The following PDGFD variants were observed in gnomAD, a reference collection of about 807,000 sequenced individuals.
PDGFD encodes the protein platelet-derived growth factor D.
Under a neutral mutation model 44.7 loss-of-function variants are expected in PDGFD, and 30 were observed. The observed-to-expected ratio is 0.67, with a 90% CI of 0.50 to 0.91. The LOEUF (loss-of-function observed/expected upper bound fraction) is 0.91. PDGFD is among the 40% of genes least tolerant of loss of function. The pLI, the probability that PDGFD is intolerant of heterozygous loss-of-function variation, is 0.00. For synonymous variants in PDGFD, 173 were observed against 168.4 expected (o/e 1.03, Z -0.21); for missense variants, 445 against 457.8 (o/e 0.97, Z 0.25).
At chr11:104,025,413 A>C (rs1860027517) in intron 1 of PDGFD, among the ~76,000 whole-genome samples, 1 of 152,222 alleles carries the variant, frequency 6.6e-6, no homozygotes, top group South Asian at 2.1e-4. Context: ...GAGAAAAACA[A>C]ACACAACACA....
At chr11:104,102,949 G>A (rs1234641025) in intron 1 of PDGFD, among the ~76,000 whole-genome samples, 1 of 151,968 alleles carries the variant, frequency 6.6e-6, no homozygotes, top group African/African-American at 2.4e-5. Flanking sequence ...GAGAGGGGAG[G>A]GATAGCATTA....
At chr11:104,023,295 A>G (rs1435682715) in intron 1 of PDGFD, among the ~76,000 whole-genome samples, 1 of 152,150 alleles carries the variant, frequency 6.6e-6, no homozygotes. Context: ...CTTTGCTCTA[A>G]TGCATTTCTA....
chr11:103,978,178 G>A (rs1859212136), intron 3 of PDGFD, among the ~76,000 whole-genome samples: 1 of 152,020 alleles, frequency 6.6e-6, no homozygotes, highest in Non-Finnish European at 1.5e-5. Context: ...AAATTGAAGG[G>A]ATTTTCTCTT....
chr11:104,159,336 T>C (rs1404381419), intron 1 of PDGFD, among the ~76,000 whole-genome samples: 1 of 152,158 alleles, frequency 6.6e-6, no homozygotes, highest in African/African-American at 2.4e-5. Context: ...ATTCCCTGAA[T>C]GGCATGGCGC....
At chr11:104,012,464 C>T (rs895801732) in intron 1 of PDGFD, among the ~76,000 whole-genome samples, 2 of 152,176 alleles carry the variant, frequency 1.3e-5, no homozygotes, top group African/African-American at 4.8e-5. Context: ...GCTTTTAATG[C>T]AGACCTTTTA....
chr11:104,086,440 A>T (rs1861131931), intron 1 of PDGFD, among the ~76,000 whole-genome samples: 1 of 152,228 alleles, frequency 6.6e-6, no homozygotes, highest in African/African-American at 2.4e-5. Flanking sequence ...GGTACATCTT[A>T]TAATCAATGA....
chr11:104,093,737 C>T (rs573762812), intron 1 of PDGFD, among the ~76,000 whole-genome samples: 2 of 151,896 alleles, frequency 1.3e-5, no homozygotes, highest in African/African-American at 2.4e-5. Context: ...CTCCAAAACA[C>T]AGAATGTCAT....
intron 1 of PDGFD, among the ~76,000 whole-genome samples, chr11:104,086,887 A>G (rs1861136994): frequency 6.6e-6 from 1 of 152,220 alleles, no homozygotes; most frequent in South Asian, 2.1e-4. Flanking sequence ...AGCTGCAGGA[A>G]AATTAGAGTC....
At chr11:104,001,600 C>A (rs1217076668) in intron 1 of PDGFD, among the ~76,000 whole-genome samples, 1 of 152,160 alleles carries the variant, frequency 6.6e-6, no homozygotes, top group African/African-American at 2.4e-5. Flanking sequence ...GGCCTAACTC[C>A]CGGTAGTTTT....
chr11:103,963,675 T>A (rs929052168), intron 3 of PDGFD, among the ~76,000 whole-genome samples: 1 of 152,206 alleles, frequency 6.6e-6, no homozygotes, highest in Non-Finnish European at 1.5e-5. Flanking sequence ...TTACTGGCTG[T>A]AAATTACCAT....
intron 1 of PDGFD, chr11:104,037,522 G>T: frequency 6.2e-7 from 1 of 1,614,044 alleles, no homozygotes; most frequent in Non-Finnish European, 8.5e-7. Context: ...GATAGAAGAG[G>T]CCCCCGAGAG....
chr11:104,027,928 C>G (rs1324078193), intron 1 of PDGFD, among the ~76,000 whole-genome samples: 1 of 152,042 alleles, frequency 6.6e-6, no homozygotes, highest in Non-Finnish European at 1.5e-5. Context: ...CGGTGGCTCA[C>G]GCTTGTAATC....
intron 3 of PDGFD, among the ~76,000 whole-genome samples, chr11:103,951,989 T>C (rs1490773685): frequency 6.6e-6 from 1 of 152,254 alleles, no homozygotes; most frequent in Non-Finnish European, 1.5e-5. Flanking sequence ...TTCCAATTTC[T>C]CTGGCTCCCA....
intron 6 of PDGFD, among the ~76,000 whole-genome samples, chr11:103,924,831 T>C (rs893989177): frequency 1.3e-5 from 2 of 152,190 alleles, no homozygotes; most frequent in Admixed American, 1.3e-4. Context: ...ATTATTATTA[T>C]ACTTTAAGTT....
chr11:104,160,477 C>G (rs999187473), intron 1 of PDGFD, among the ~76,000 whole-genome samples: 2 of 152,212 alleles, frequency 1.3e-5, no homozygotes, highest in Non-Finnish European at 2.9e-5. Flanking sequence ...TAGTTTTGGC[C>G]AGTTATTATT....
At chr11:104,106,887 G>GT (rs1861478473) in intron 1 of PDGFD, among the ~76,000 whole-genome samples, 2 of 151,938 alleles carry the variant, frequency 1.3e-5, no homozygotes, top group South Asian at 4.1e-4. Context: ...GGGACTACAG[G>GT]TGTGTGCCAC....
intron 5 of PDGFD, among the ~76,000 whole-genome samples, chr11:103,937,148 G>T (rs989784138): frequency 2.0e-5 from 3 of 152,150 alleles, no homozygotes; most frequent in African/African-American, 7.2e-5. Flanking sequence ...TAAAAGAGGA[G>T]TGGATTTGAA....
rs1014352641 is a variant in PDGFD at position 103,955,697 on chromosome 11, T to A, written c.511-7973A>T. 2.0e-5 allele frequency among the ~76,000 whole-genome samples: 3 copies of A among 152,172 alleles called. No homozygotes were observed. The South Asian group carries it at 6.2e-4, about 31-fold the overall frequency. On this transcript the variant is annotated intron_variant, in intron 3 of 6. Transcript: ENST00000393158. ...AAGAATCAAAGAATATCTCTCAAAG[T>A]TAGAGAATTTGCCTGTGAAATTTAA...
chr11:104,116,571 G>T (rs1284558449), intron 1 of PDGFD, among the ~76,000 whole-genome samples: 1 of 151,762 alleles, frequency 6.6e-6, no homozygotes, highest in Non-Finnish European at 1.5e-5. Flanking sequence ...ACCAAGAAAG[G>T]ACATAACAAA....
Sources: gnomAD v4.1 joint callset for allele counts (sites outside exome capture counted in the v4.1 genomes callset) on GRCh38, gnomAD v4.1.1 for gene constraint, MANE v1.5 for transcripts, NCBI Gene and HGNC (gene_info 2026-07-23, HGNC 2026-07-21) for gene names.